Variants in PCNX4 observed in about 807,000 individuals in gnomAD.
PCNX4 encodes the protein pecanex-like protein 4.
In PCNX4, 103 loss-of-function variants were observed where a neutral mutation model predicts 107.2. The observed-to-expected ratio is 0.96, with a 90% CI of 0.82 to 1.13. The LOEUF (loss-of-function observed/expected upper bound fraction) is 1.13, where lower values mean the gene tolerates loss of function less well. Among genes scored for constraint, PCNX4 ranks in the 50% most tolerant of loss-of-function variants. The pLI, the probability that PCNX4 is intolerant of heterozygous loss-of-function variation, is 0.00. For missense variants in PCNX4, 1,528 were observed against 1,379.4 expected (o/e 1.11, Z -1.71); for synonymous variants, 541 against 481.7 (o/e 1.12, Z -1.61).
In PCNX4 at chr14:60,118,390, T is replaced by A; in HGVS notation, c.1640T>A (p.Val547Glu). 1 of 1,613,516 alleles carries A rather than the reference T, an allele frequency of 6.2e-7. No homozygotes were observed. The highest frequency in any genetic ancestry group is 2.2e-5 in the East Asian group (1 of 44,886). ...FISKLQFAVT[V>E]LLTSWTEKKQ... ...TCTAAATTGCAGTTTGCCGTGACTG[T>A]GCTTTTGACATCATGGACAGAGAAA... Residue 547 changes from valine (V) to glutamate (E), a missense_variant, in exon 7 of 11, where the codon GTG (valine) becomes GAG (glutamate). Transcript: ENST00000406854.
Position 60,134,259 on chromosome 14 carries a change from T to C in PCNX4, c.*38T>C, listed in dbSNP as rs753812973. On this transcript the variant is annotated 3_prime_UTR_variant, in exon 11 of 11. Coordinates refer to ENST00000406854, the MANE Select transcript of PCNX4 (RefSeq NM_001330177.2). Reference sequence around the variant, plus strand: ...CTGTAATGTCATCAAATGCAATGTTTTTATTTTTTCATCCTAAAAAAGTAA... The same window carrying C: ...CTGTAATGTCATCAAATGCAATGTTCTTATTTTTTCATCCTAAAAAAGTAA... 6.3e-7 allele frequency: 1 copy of C among 1,598,014 alleles called. No homozygotes were observed. Among genetic ancestry groups the C allele is most frequent in the Non-Finnish European group, 8.5e-7 (1 of 1,170,386 alleles).
chr14:60,123,331 A>T (rs1240994342), intron 8 of PCNX4, among the ~76,000 whole-genome samples: 1 of 152,070 alleles, frequency 6.6e-6, no homozygotes. Flanking sequence ...AAAATTTACA[A>T]AACATGCAAC....
chr14:60,108,627 CTG>C (rs1895676565), intron 2 of PCNX4: 1 of 204,296 alleles, frequency 4.9e-6, no homozygotes, highest in South Asian at 1.6e-4. Context: ...TGGCTAAAAC[CTG>C]TGTAAGGAGA....
chr14:60,129,912 G>A (rs983056395), intron 10 of PCNX4, among the ~76,000 whole-genome samples: 5 of 152,088 alleles, frequency 3.3e-5, no homozygotes, highest in African/African-American at 7.2e-5. Flanking sequence ...AGAAAGTCAC[G>A]AAAGAGGGAT....
intron 2 of PCNX4, among the ~76,000 whole-genome samples, chr14:60,112,439 A>G (rs1895756923): frequency 6.6e-6 from 1 of 152,186 alleles, no homozygotes; most frequent in Non-Finnish European, 1.5e-5. Context: ...ATTATAATTT[A>G]AGTGTTTTTC....
At position 60,145,183 on chromosome 14, in the gene PCNX4, TC is replaced by T; in HGVS notation, c.*10963del. On this transcript the variant is annotated 3_prime_UTR_variant, in exon 11 of 11. Coordinates refer to ENST00000406854, the MANE Select transcript of PCNX4 (RefSeq NM_001330177.2). The surrounding 1 kb of genome is among the most constrained non-coding windows in gnomAD (Gnocchi z 4.0). ...AGAATTTAAAAATCATAGCCAAAAT[TC>T]TAGATGTACACAAAAGTACTTCTAA... 1 of 496,086 alleles carries T rather than the reference TC, an allele frequency of 2.0e-6. No individual in the cohort carries two copies. Among genetic ancestry groups the T allele is most frequent in the Non-Finnish European group, 3.4e-6 (1 of 290,686 alleles). The allele number at this position is 496,086 out of a possible 1,614,324, so 30.7% of individuals were successfully genotyped here.
intron 1 of PCNX4, among the ~76,000 whole-genome samples, chr14:60,107,357 T>G (rs992085020): frequency 6.6e-6 from 1 of 152,156 alleles, no homozygotes; most frequent in Non-Finnish European, 1.5e-5. Context: ...CCAGCTTGGG[T>G]GACAGAGTGA....
chr14:60,107,744 G>T lies in PCNX4; in HGVS notation c.106G>T (p.Ala36Ser). The T allele has an allele frequency of 1.2e-6, 2 of 1,612,552 alleles. No homozygotes were observed. Among genetic ancestry groups the T allele is most frequent in the Non-Finnish European group, 1.7e-6 (2 of 1,179,676 alleles). The change falls in exon 2 of 11, where the codon GCC becomes TCC. Residue 36 changes from alanine (A) to serine (S), a missense_variant. Coordinates refer to ENST00000406854, the MANE Select transcript of PCNX4 (RefSeq NM_001330177.2). ...CCCTCGATTCAAATTAGGCTATTGT[G>T]CCCCTCCTTACATATATGTTAATCA... is the stretch of plus-strand genomic sequence containing the variant. ...GGPRFKLGYC[A>S]PPYIYVNQII... is the part of the protein sequence containing the mutation.
At position 60,147,278 on chromosome 14, in the gene PCNX4, CTTATG is replaced by C. The variant is rs1361232501; in HGVS notation, c.*13062_*13066del. On this transcript the variant is annotated 3_prime_UTR_variant, in exon 11 of 11. Transcript: ENST00000406854. ...ATATTTTCAGTTATAAGATAAATAA[CTTATG>C]TTATTATAATTTACAGATTCTAAGG... The C allele has an allele frequency of 2.6e-5, 4 of 151,804 alleles. No homozygotes were observed. Among genetic ancestry groups the C allele is most frequent in the African/African-American group, 4.8e-5 (2 of 41,370 alleles). The allele number at this position is 151,804 out of a possible 1,614,324, so 9.4% of individuals were successfully genotyped here.
rs1896237385 is a variant in PCNX4, at chr14:60,136,140, T to C, written c.*1919T>C. The C allele has an allele frequency of 6.6e-6, 1 of 152,202 alleles. No homozygotes were observed. Among genetic ancestry groups the C allele is most frequent in the Non-Finnish European group, 1.5e-5 (1 of 68,026 alleles). The allele number at this position is 152,202 out of a possible 1,614,324, so 9.4% of individuals were successfully genotyped here. A position where few individuals can be genotyped will look rare whatever the true frequency, so the allele number is the denominator to read the frequency against. Reference sequence around the variant, plus strand: ...AAAAAAGTTTTTATTAAGGTCACTATTGACCTTTTTATTGTCAAACCAGCT... The same window carrying C: ...AAAAAAGTTTTTATTAAGGTCACTACTGACCTTTTTATTGTCAAACCAGCT... On this transcript the variant is annotated 3_prime_UTR_variant, in exon 11 of 11. Transcript: ENST00000406854.
At chr14:60,102,778 T>A (rs1232422854) in intron 1 of PCNX4, among the ~76,000 whole-genome samples, 2 of 152,170 alleles carry the variant, frequency 1.3e-5, no homozygotes. Flanking sequence ...TAATAGTCTT[T>A]CAGAACTATG....
intron 1 of PCNX4, among the ~76,000 whole-genome samples, chr14:60,099,402 G>T (rs1361258930): frequency 6.6e-6 from 1 of 152,126 alleles, no homozygotes; most frequent in Non-Finnish European, 1.5e-5. Flanking sequence ...TTTTAAACAA[G>T]CAGAAATTAG....
intron 7 of PCNX4, among the ~76,000 whole-genome samples, chr14:60,120,304 CTGCAGGCTGGTCA>C (rs1895930143): frequency 6.6e-6 from 1 of 152,204 alleles, no homozygotes; most frequent in African/African-American, 2.4e-5. Context: ...AGGGCTTTTA[CTGCAGGCTGGTCA>C]TGCAGGCGCT....
intron 1 of PCNX4, among the ~76,000 whole-genome samples, chr14:60,103,740 G>GGGAC (rs1310075539): frequency 6.6e-6 from 1 of 152,152 alleles, no homozygotes; most frequent in East Asian, 1.9e-4. Flanking sequence ...AGCATAGTAA[G>GGGAC]GGACAGGGAG....
chr14:60,124,882 G>A lies in PCNX4; in HGVS notation c.2711G>A (p.Cys904Tyr). ...TATATTCCTCTCATGGAGTTCAGTTGTTCACATTCTCACTTAGTATGCTTA... is the reference window on the plus strand; with the variant it reads ...TATATTCCTCTCATGGAGTTCAGTTATTCACATTCTCACTTAGTATGCTTA... ...MPYIPLMEFS[C>Y]SHSHLVCLPA... Residue 904 changes from cysteine to tyrosine, a missense_variant, in exon 9 of 11, where the codon TGT becomes TAT. Transcript: ENST00000406854. 6.2e-7 allele frequency: 1 copy of A among 1,613,824 alleles called. No individual in the cohort carries two copies. Among genetic ancestry groups the A allele is most frequent in the Non-Finnish European group, 8.5e-7 (1 of 1,179,772 alleles).
rs1239942655 is a variant in PCNX4, at chr14:60,134,066, T to G, written c.3364T>G (p.Ser1122Ala). The G allele has an allele frequency of 6.2e-7, 1 of 1,613,734 alleles. No homozygotes were observed. Among genetic ancestry groups the G allele is most frequent in the Non-Finnish European group, 8.5e-7 (1 of 1,179,816 alleles). ...TGTTAGAGGTCAGTGGGCCAATCTT[T>G]CATGGGAATTACTTTATGCCACAAA... Reference protein sequence around the residue: ...EAVRGQWANLSWELLYATNDD... With the variant: ...EAVRGQWANLAWELLYATNDD... The change falls in exon 11 of 11, where the codon TCA (serine) becomes GCA (alanine). Residue 1122 changes from serine (S) to alanine (A), a missense_variant. Coordinates refer to ENST00000406854, the MANE Select transcript of PCNX4 (RefSeq NM_001330177.2).
chr14:60,131,118 G>C (rs1235589712), intron 10 of PCNX4, among the ~76,000 whole-genome samples: 1 of 152,226 alleles, frequency 6.6e-6, no homozygotes, highest in Non-Finnish European at 1.5e-5. Context: ...AAACCACCCC[G>C]ATCTTGGACC....
chr14:60,134,215 G>A lies in PCNX4; in HGVS notation c.3513G>A (p.Leu1171=). 6.2e-7 allele frequency: 1 copy of A among 1,612,694 alleles called. No individual in the cohort carries two copies. Among genetic ancestry groups the A allele is most frequent in the Non-Finnish European group, 8.5e-7 (1 of 1,179,110 alleles). Residue 1171 remains leucine, a synonymous_variant, in exon 11 of 11, where the codon TTG becomes TTA. Coordinates refer to ENST00000406854, the MANE Select transcript of PCNX4 (RefSeq NM_001330177.2). ...IYSSKPLHIH[L]Y ...CTTCAAAACCTCTCCACATACATTT[G>A]TATTAGAGCTCATTTTGACTGTAAT...
intron 2 of PCNX4, chr14:60,108,592 G>A (rs1895676042): frequency 4.1e-6 from 1 of 244,254 alleles, no homozygotes; most frequent in African/African-American, 2.3e-5. Flanking sequence ...CTTTAAATAA[G>A]GAGCTTTGAG....
Sources: allele counts gnomAD v4.1 joint callset (sites outside exome capture counted in the v4.1 genomes callset), GRCh38; gene constraint gnomAD v4.1.1; non-coding constraint Gnocchi (gnomAD v3.1); transcripts MANE v1.5; gene names NCBI Gene and HGNC (gene_info 2026-07-23, HGNC 2026-07-21).